The following USP25 variants were observed in gnomAD, a reference collection of about 807,000 sequenced individuals.
USP25 encodes the protein ubiquitin specific peptidase 25, also known as ubiquitin carboxyl-terminal hydrolase 25.
Under a neutral mutation model 158.5 loss-of-function variants are expected in USP25, and 85 were observed. The ratio of observed to expected loss-of-function variants is 0.54; its 90% CI spans 0.45 to 0.64. The LOEUF (loss-of-function observed/expected upper bound fraction) is 0.64. Among genes scored for constraint, USP25 ranks in the 30% least tolerant of loss-of-function variants. USP25 has a pLI of 0.00. For synonymous variants in USP25, 464 were observed against 460.4 expected, an observed-to-expected ratio of 1.01 and a Z score of -0.10; for missense variants, 1,242 against 1,327.3, an observed-to-expected ratio of 0.94 and a Z score of 1.00.
intron 3 of USP25, among the ~76,000 whole-genome samples, chr21:15,774,212 T>C (rs1165461883): frequency 6.6e-6 from 1 of 152,206 alleles, no homozygotes; most frequent in Non-Finnish European, 1.5e-5. Flanking sequence ...CATTAGTGTT[T>C]CTTGCTTTTT....
At chr21:15,781,500 G>T (rs900543095) in intron 4 of USP25, among the ~76,000 whole-genome samples, 7 of 152,168 alleles carry the variant, frequency 4.6e-5, no homozygotes, top group African/African-American at 1.7e-4. Flanking sequence ...AACTAGAGTT[G>T]CTTGGCTATC....
chr21:15,832,502 A>G (rs985368711), intron 16 of USP25, among the ~76,000 whole-genome samples: 6 of 152,148 alleles, frequency 3.9e-5, no homozygotes, highest in African/African-American at 9.7e-5. Flanking sequence ...TGAATACTCT[A>G]TTGTTTTTAA....
chr21:15,740,442 A>G (rs1208922709), intron 1 of USP25, among the ~76,000 whole-genome samples: 1 of 152,034 alleles, frequency 6.6e-6, no homozygotes. Flanking sequence ...GTGCAGCAAC[A>G]TGTTTCCTTG....
At chr21:15,784,772 A>G (rs1010731639) in intron 4 of USP25, among the ~76,000 whole-genome samples, 2 of 152,318 alleles carry the variant, frequency 1.3e-5, no homozygotes, top group African/African-American at 4.8e-5. Context: ...TAGATAGACA[A>G]ACAAGAAAGG....
chr21:15,801,292 A>G (rs1270221185), intron 6 of USP25, among the ~76,000 whole-genome samples: 2 of 151,508 alleles, frequency 1.3e-5, no homozygotes, highest in African/African-American at 2.4e-5. Flanking sequence ...CAGTTGCTAT[A>G]TTTATGCTTA....
At chr21:15,798,077 T>C (rs987288647) in intron 5 of USP25, among the ~76,000 whole-genome samples, 2 of 151,254 alleles carry the variant, frequency 1.3e-5, no homozygotes, top group Non-Finnish European at 3.0e-5. Context: ...AGGGTGCTAC[T>C]CTGTACCCCA....
At position 15,827,108 on chromosome 21, in the gene USP25, T is replaced by C. The variant is rs750021409; in HGVS notation, c.1598T>C (p.Met533Thr). 5 of 1,614,182 alleles carry C rather than the reference T, an allele frequency of 3.1e-6. No individual in the cohort carries two copies. Among genetic ancestry groups the C allele is most frequent in the Non-Finnish European group, 4.2e-6 (5 of 1,180,012 alleles). ...TCCCGGATACCTCCAGATTTGCCCA[T>C]GCATCCGGCACCAAGGCACATAACG... Reference protein sequence around the residue: ...TQSRIPPDLPMHPAPRHITEE... With the variant: ...TQSRIPPDLPTHPAPRHITEE... The change falls in exon 14 of 26, where the codon ATG becomes ACG. Residue 533 changes from methionine to threonine, a missense_variant. Met to Thr is a moderately conservative substitution (Grantham distance 81). Transcript: ENST00000400183.
At chr21:15,811,291 T>C (rs2036650307) in intron 9 of USP25, 81 bp downstream of exon 9, 1 of 1,260,800 alleles carries the variant, frequency 7.9e-7, no homozygotes, top group African/African-American at 1.5e-5. Context: ...ACTATTTTTT[T>C]AGTGGACTTT....
rs372907172 is a variant in USP25 at position 15,756,942 on chromosome 21, T to C, written c.46-5949T>C. ...GAGGAGCTCTAGATATGGAAGTGGA[T>C]TGGATGGGAACCACCTTGGATTTGG... On this transcript the variant is annotated intron_variant, in intron 1 of 25. Coordinates refer to ENST00000400183, the MANE Select transcript of USP25 (RefSeq NM_001283041.3). Among the ~76,000 whole-genome samples the C allele has an allele frequency of 2.0e-4, 30 of 152,118 alleles. 2 individuals carry two copies. Among genetic ancestry groups the C allele is most frequent in the Admixed American group, 1.0e-3 (16 of 15,266 alleles).
intron 20 of USP25, among the ~76,000 whole-genome samples, chr21:15,863,314 G>A (rs1214457253): frequency 6.6e-6 from 1 of 151,796 alleles, no homozygotes; most frequent in African/African-American, 2.4e-5. Context: ...TAAACCTTAA[G>A]GTAATAATAG....
At chr21:15,787,560 C>T (rs1363687757) in intron 4 of USP25, among the ~76,000 whole-genome samples, 1 of 152,046 alleles carries the variant, frequency 6.6e-6, no homozygotes, top group Admixed American at 6.6e-5. Context: ...TTAAAGAATA[C>T]ATAAATATTT....
intron 1 of USP25, chr21:15,745,201 C>T (rs2032435342): frequency 6.6e-6 from 1 of 152,128 alleles, no homozygotes; most frequent in South Asian, 2.1e-4. Context: ...TCTGTCTTTT[C>T]CTTATTGACC....
chr21:15,789,384 T>A (rs1016134137), intron 4 of USP25, among the ~76,000 whole-genome samples: 6 of 152,112 alleles, frequency 3.9e-5, no homozygotes, highest in African/African-American at 1.4e-4. Flanking sequence ...TTTCTGTAGC[T>A]GATGTATGTA....
chr21:15,852,155 A>G (rs1200476379), intron 20 of USP25, among the ~76,000 whole-genome samples: 1 of 152,134 alleles, frequency 6.6e-6, no homozygotes, highest in Non-Finnish European at 1.5e-5. Context: ...TTTTACTCAT[A>G]GCATAAGGAA....
At chr21:15,778,983 G>T (rs80208667) in intron 4 of USP25, among the ~76,000 whole-genome samples, 11,498 of 152,102 alleles carry the variant, frequency 0.076, 495 homozygotes, top group East Asian at 0.09. Flanking sequence ...ATCAATAGGA[G>T]ATTTCTTTCC....
At chr21:15,868,748 G>T (rs912472634) in intron 22 of USP25, among the ~76,000 whole-genome samples, 2 of 152,286 alleles carry the variant, frequency 1.3e-5, no homozygotes, top group Admixed American at 1.3e-4. Flanking sequence ...AACTGAAGAA[G>T]ATGAGGCTTG....
chr21:15,864,227 A>C (rs754077835), intron 20 of USP25, 41 bp from the exon 21 acceptor site: 2 of 1,576,494 alleles, frequency 1.3e-6, no homozygotes, highest in Non-Finnish European at 1.7e-6. Context: ...TTTGGTGTTC[A>C]AATAATTAAC....
chr21:15,814,876 G>T (rs1329759708), intron 9 of USP25, among the ~76,000 whole-genome samples: 1 of 152,176 alleles, frequency 6.6e-6, no homozygotes, highest in Non-Finnish European at 1.5e-5. Context: ...AGAAATTTGT[G>T]TTAAGTAACA....
chr21:15,862,012 A>G (rs914668994), intron 20 of USP25, among the ~76,000 whole-genome samples: 4 of 152,164 alleles, frequency 2.6e-5, no homozygotes, highest in Non-Finnish European at 4.4e-5. Flanking sequence ...TTTCAGTTCT[A>G]TAATAGAAAT....
Sources: allele counts gnomAD v4.1 joint callset (sites outside exome capture counted in the v4.1 genomes callset), GRCh38; gene constraint gnomAD v4.1.1; transcripts MANE v1.5; gene names NCBI Gene and HGNC (gene_info 2026-07-23, HGNC 2026-07-21).